Variants in FSTL4 observed in about 807,000 individuals in gnomAD.
FSTL4 encodes follistatin like 4, also known as follistatin-related protein 4.
Under a neutral mutation model 78.2 loss-of-function variants are expected in FSTL4, and 28 were observed. The ratio of observed to expected loss-of-function variants is 0.36; its 90% CI spans 0.27 to 0.49. The LOEUF is 0.49. Ranked by LOEUF, FSTL4 falls within the 20% of genes least tolerant of loss-of-function variation. FSTL4 has a pLI of 0.98. For missense variants in FSTL4, 922 were observed against 1,084.9 expected (o/e 0.85, Z 2.11); for synonymous variants, 422 against 440.5 (o/e 0.96, Z 0.53).
intron 3 of FSTL4, chr5:133,427,663 C>T (rs764763694): frequency 3.8e-6 from 2 of 530,568 alleles, no homozygotes; most frequent in East Asian, 1.1e-4. Flanking sequence ...TTCAGTAGTT[C>T]TGAGGCAGGG....
intron 3 of FSTL4, among the ~76,000 whole-genome samples, chr5:133,515,688 T>TAA (rs72311535): frequency 6.8e-6 from 1 of 147,924 alleles, no homozygotes; most frequent in Admixed American, 6.8e-5. Context: ...TTTTTTTTTT[T>TAA]AAAAAAAAGC....
At chr5:133,580,902 C>A (rs750698863) in intron 2 of FSTL4, among the ~76,000 whole-genome samples, 22 of 152,170 alleles carry the variant, frequency 1.4e-4, no homozygotes, top group Non-Finnish European at 2.9e-4. Flanking sequence ...TCTCCACACC[C>A]GCCTCCTTCA....
chr5:133,534,971 T>C (rs557813184), intron 3 of FSTL4, among the ~76,000 whole-genome samples: 77 of 152,314 alleles, frequency 5.1e-4, no homozygotes, highest in African/African-American at 1.8e-3. Flanking sequence ...AATTCGTATG[T>C]TGAAATTCTA....
chr5:133,758,991 T>C, the FSTL4 span, among the ~76,000 whole-genome samples: 1 of 152,230 alleles, frequency 6.6e-6, no homozygotes, highest in East Asian at 1.9e-4. Flanking sequence ...TTTTATGACC[T>C]AGACTTAGAA....
chr5:133,217,592 C>T (rs1255936506), intron 12 of FSTL4, among the ~76,000 whole-genome samples: 1 of 152,328 alleles, frequency 6.6e-6, no homozygotes, highest in African/African-American at 2.4e-5. Context: ...TTTGCACCCG[C>T]TCAGTTAGCA....
At chr5:133,710,137 C>A in the FSTL4 span, among the ~76,000 whole-genome samples, 2 of 152,134 alleles carry the variant, frequency 1.3e-5, no homozygotes, top group South Asian at 2.1e-4. Flanking sequence ...CTTCTCTCTG[C>A]CCTGGACATG....
At chr5:133,364,852 C>T (rs1755149683) in intron 4 of FSTL4, among the ~76,000 whole-genome samples, 1 of 152,114 alleles carries the variant, frequency 6.6e-6, no homozygotes. Flanking sequence ...TTCTCCCTTT[C>T]AGATTCTAGC....
the FSTL4 span, among the ~76,000 whole-genome samples, chr5:133,838,216 C>T: frequency 2.6e-5 from 4 of 152,152 alleles, no homozygotes; most frequent in African/African-American, 9.7e-5. Flanking sequence ...AGAATCTTGG[C>T]CCTTTGAGCC....
the FSTL4 span, among the ~76,000 whole-genome samples, chr5:133,831,791 GAGGGGAC>G: frequency 6.6e-6 from 1 of 152,230 alleles, no homozygotes; most frequent in African/African-American, 2.4e-5. Context: ...ATTTGTGAGA[GAGGGGAC>G]AGGGAGGAAA....
chr5:133,419,398 G>A (rs559125212), intron 3 of FSTL4, among the ~76,000 whole-genome samples: 52 of 152,296 alleles, frequency 3.4e-4, no homozygotes, highest in African/African-American at 1.1e-3. Context: ...GACTACAGGC[G>A]TGAGCCACCA....
chr5:133,514,537 C>T (rs1318942643), intron 3 of FSTL4, among the ~76,000 whole-genome samples: 2 of 152,070 alleles, frequency 1.3e-5, no homozygotes, highest in Non-Finnish European at 2.9e-5. Context: ...AATAGAGTTT[C>T]CACTACACAC....
chr5:133,450,019 T>C (rs904783544), intron 3 of FSTL4, among the ~76,000 whole-genome samples: 4 of 152,148 alleles, frequency 2.6e-5, no homozygotes, highest in African/African-American at 4.8e-5. Context: ...GCTTCAGAAA[T>C]GTGAAAGGGC....
intron 2 of FSTL4, among the ~76,000 whole-genome samples, chr5:133,597,921 T>TA (rs1760771060): frequency 6.6e-6 from 1 of 152,058 alleles, no homozygotes; most frequent in Non-Finnish European, 1.5e-5. Flanking sequence ...CCTCAGCATT[T>TA]AAAATCACCT....
the FSTL4 span, among the ~76,000 whole-genome samples, chr5:133,650,296 T>C: frequency 6.6e-6 from 1 of 152,162 alleles, no homozygotes; most frequent in Non-Finnish European, 1.5e-5. Context: ...ATCCAAACCA[T>C]AGCATGTACT....
chr5:133,740,888 C>G, the FSTL4 span, among the ~76,000 whole-genome samples: 6 of 152,124 alleles, frequency 3.9e-5, no homozygotes, highest in African/African-American at 1.4e-4. Context: ...TGGGCAGAAT[C>G]TGAATCCTAA....
At chr5:133,716,374 TTTATA>T in the FSTL4 span, among the ~76,000 whole-genome samples, 1 of 143,000 alleles carries the variant, frequency 7.0e-6, no homozygotes, top group Non-Finnish European at 1.5e-5. Context: ...TTTATATAAG[TTTATA>T]TAAGAATATA....
At chr5:133,627,061 CT>C in the FSTL4 span, among the ~76,000 whole-genome samples, 1 of 151,496 alleles carries the variant, frequency 6.6e-6, no homozygotes, top group African/African-American at 2.4e-5. Flanking sequence ...TATTTTGTAG[CT>C]CTATTTATGC....
chr5:133,454,863 G>T (rs2127013547), intron 3 of FSTL4, among the ~76,000 whole-genome samples: 1 of 152,304 alleles, frequency 6.6e-6, no homozygotes, highest in East Asian at 1.9e-4. Context: ...AGATGTGTGG[G>T]CTCCTAAAGC....
intron 2 of FSTL4, among the ~76,000 whole-genome samples, chr5:133,579,900 G>A (rs1760364309): frequency 6.6e-6 from 1 of 152,166 alleles, no homozygotes; most frequent in African/African-American, 2.4e-5. Context: ...GTCATGGTGG[G>A]GCCAGCGGTG....
Sources: allele counts gnomAD v4.1 joint callset (sites outside exome capture counted in the v4.1 genomes callset), GRCh38; gene constraint gnomAD v4.1.1; transcripts MANE v1.5; gene names NCBI Gene and HGNC (gene_info 2026-07-23, HGNC 2026-07-21).